MACROD2: variants seen among roughly 807,000 people sequenced by gnomAD.
The protein encoded by MACROD2 is ADP-ribose glycohydrolase MACROD2.
A neutral mutation model predicts 70.4 loss-of-function variants in MACROD2; 36 were observed. The observed-to-expected ratio is 0.51, with a 90% CI of 0.39 to 0.68. The LOEUF is 0.68. MACROD2 is among the 30% of genes least tolerant of loss of function. The pLI is 0.00. For missense variants in MACROD2, 496 were observed against 538.4 expected, an observed-to-expected ratio of 0.92 and a Z score of 0.78; for synonymous variants, 172 against 178.8, an observed-to-expected ratio of 0.96 and a Z score of 0.30.
At chr20:15,095,434 C>G (rs1174495998) in intron 5 of MACROD2, among the ~76,000 whole-genome samples, 1 of 151,934 alleles carries the variant, frequency 6.6e-6, no homozygotes, top group Non-Finnish European at 1.5e-5. Flanking sequence ...CTGTTTAACA[C>G]TTGCTTATCA....
chr20:15,038,093 TAATA>T (rs1358552174), intron 5 of MACROD2, among the ~76,000 whole-genome samples: 4 of 152,148 alleles, frequency 2.6e-5, no homozygotes, highest in Non-Finnish European at 1.5e-5. Context: ...GTAAAAAGGG[TAATA>T]AATGAGATAA....
intron 5 of MACROD2, among the ~76,000 whole-genome samples, chr20:14,840,791 G>A (rs1568826812): frequency 6.6e-6 from 1 of 152,062 alleles, no homozygotes; most frequent in African/African-American, 2.4e-5. Flanking sequence ...GCTCTTATCT[G>A]AAAGCTCATC....
intron 5 of MACROD2, among the ~76,000 whole-genome samples, chr20:14,698,348 C>T (rs563638367): frequency 1.3e-5 from 2 of 152,226 alleles, no homozygotes; most frequent in South Asian, 2.1e-4. Context: ...TTTGTGCCTC[C>T]GTTTTGCTAT....
chr20:14,265,246 A>C (rs1292804611), intron 3 of MACROD2, among the ~76,000 whole-genome samples: 4 of 152,200 alleles, frequency 2.6e-5, no homozygotes, highest in Admixed American at 1.3e-4. Context: ...GATTCTTTCT[A>C]CATTAGCATA....
At chr20:14,233,276 A>T (rs1245608537) in intron 3 of MACROD2, among the ~76,000 whole-genome samples, 1 of 152,190 alleles carries the variant, frequency 6.6e-6, no homozygotes, top group Admixed American at 6.5e-5. Flanking sequence ...GGAAAATGGT[A>T]CCGATAGATG....
At chr20:14,090,931 G>T (rs1198134869) in intron 3 of MACROD2, among the ~76,000 whole-genome samples, 1 of 152,110 alleles carries the variant, frequency 6.6e-6, no homozygotes, top group African/African-American at 2.4e-5. Context: ...CATGACAAAA[G>T]CCATTCCAAC....
intron 8 of MACROD2, among the ~76,000 whole-genome samples, chr20:15,799,649 T>C (rs1237759906): frequency 6.6e-6 from 1 of 152,222 alleles, no homozygotes; most frequent in Non-Finnish European, 1.5e-5. Flanking sequence ...AGAACAGTAT[T>C]CCATTGTGTA....
At chr20:14,399,771 A>G (rs1289826445) in intron 3 of MACROD2, among the ~76,000 whole-genome samples, 1 of 151,770 alleles carries the variant, frequency 6.6e-6, no homozygotes, top group African/African-American at 2.4e-5. Flanking sequence ...ATTCTTTTCC[A>G]TCCTCTTCTC....
chr20:15,018,566 G>C (rs1307837143), intron 5 of MACROD2, among the ~76,000 whole-genome samples: 1 of 152,030 alleles, frequency 6.6e-6, no homozygotes, highest in Non-Finnish European at 1.5e-5. Flanking sequence ...GATTAGTCAG[G>C]ATTCTCTTAG....
chr20:14,107,997 G>A (rs889664653), intron 3 of MACROD2, among the ~76,000 whole-genome samples: 6 of 152,064 alleles, frequency 3.9e-5, no homozygotes, highest in Admixed American at 3.9e-4. Context: ...TGTAATTGTG[G>A]TGTATAAACT....
chr20:15,968,252 C>T (rs2066172568), intron 13 of MACROD2, among the ~76,000 whole-genome samples: 1 of 152,118 alleles, frequency 6.6e-6, no homozygotes, highest in Non-Finnish European at 1.5e-5. Context: ...TCAGATTAGC[C>T]TTAACCTTCT....
intron 13 of MACROD2, among the ~76,000 whole-genome samples, chr20:15,975,757 T>A (rs2066297264): frequency 6.6e-6 from 1 of 152,228 alleles, no homozygotes; most frequent in Admixed American, 6.5e-5. Flanking sequence ...TCTCAATGCT[T>A]ATATGCATTT....
chr20:14,507,321 A>C (rs2084979529), intron 4 of MACROD2, among the ~76,000 whole-genome samples: 1 of 152,134 alleles, frequency 6.6e-6, no homozygotes, highest in Non-Finnish European at 1.5e-5. Flanking sequence ...GGTACTTGTG[A>C]CTAAAACTCA....
intron 5 of MACROD2, among the ~76,000 whole-genome samples, chr20:15,043,241 AT>A (rs2075368603): frequency 6.6e-6 from 1 of 152,206 alleles, no homozygotes. Flanking sequence ...GAATCTGGAA[AT>A]TTTATTTGAA....
intron 2 of MACROD2, among the ~76,000 whole-genome samples, chr20:14,007,414 C>T (rs555695908): frequency 1.4e-4 from 22 of 152,092 alleles, no homozygotes; most frequent in Non-Finnish European, 2.8e-4. Flanking sequence ...CTTCCTCCCT[C>T]TCAACATGTA....
chr20:15,322,796 T>C (rs926390431), intron 6 of MACROD2, among the ~76,000 whole-genome samples: 2 of 144,396 alleles, frequency 1.4e-5, no homozygotes, highest in African/African-American at 5.0e-5. Flanking sequence ...TTGTTGTGAA[T>C]TCTCTTTTTA....
chr20:14,053,541 G>A (rs943123207), intron 2 of MACROD2: 2 of 152,134 alleles, frequency 1.3e-5, no homozygotes, highest in African/African-American at 4.8e-5. Context: ...GAATGAAAAT[G>A]TATAGCATCT....
chr20:14,813,357 T>G (rs758088882), intron 5 of MACROD2, among the ~76,000 whole-genome samples: 7 of 133,450 alleles, frequency 5.2e-5, no homozygotes, highest in Non-Finnish European at 8.0e-5. Flanking sequence ...TCTGCCCCCC[T>G]CCCACCCCTT....
chr20:15,733,182 T>G (rs2050970334), intron 8 of MACROD2, among the ~76,000 whole-genome samples: 1 of 152,182 alleles, frequency 6.6e-6, no homozygotes, highest in Non-Finnish European at 1.5e-5. Context: ...CTTTAAAGTC[T>G]GTGAGATCTG....
Sources: allele counts gnomAD v4.1 joint callset (sites outside exome capture counted in the v4.1 genomes callset), GRCh38; gene constraint gnomAD v4.1.1; transcripts MANE v1.5; gene names NCBI Gene and HGNC (gene_info 2026-07-23, HGNC 2026-07-21).